Variants in TET3 observed in about 807,000 individuals in gnomAD.
The protein encoded by TET3 is methylcytosine dioxygenase TET3.
A neutral mutation model predicts 141.4 loss-of-function variants in TET3; 19 were observed. The observed-to-expected ratio is 0.13, with a 90% confidence interval of 0.09 to 0.20. TET3 has a LOEUF of 0.20. Ranked by LOEUF, TET3 falls within the 10% of genes least tolerant of loss-of-function variation. The pLI, the probability that TET3 is intolerant of heterozygous loss-of-function variation, is 1.00. For missense variants in TET3, 1,874 were observed against 2,356.9 expected, an observed-to-expected ratio of 0.80 and a Z score of 4.24; for synonymous variants, 1,043 against 980.9, an observed-to-expected ratio of 1.06 and a Z score of -1.18.
intron 4 of TET3, among the ~76,000 whole-genome samples, chr2:74,064,798 TTTA>T: frequency 6.6e-6 from 1 of 152,202 alleles, no homozygotes; most frequent in South Asian, 2.1e-4. Flanking sequence ...ATTGAAAAAA[TTTA>T]TTAATAAATG....
chr2:74,069,224 T>TC (rs957614612), intron 4 of TET3, among the ~76,000 whole-genome samples: 6 of 151,662 alleles, frequency 4.0e-5, no homozygotes, highest in Non-Finnish European at 5.9e-5. Flanking sequence ...CAAACTTTTT[T>TC]CCCGCAGTTG....
At chr2:74,091,398 G>A (rs1486898154) in intron 8 of TET3, among the ~76,000 whole-genome samples, 1 of 152,178 alleles carries the variant, frequency 6.6e-6, no homozygotes, top group Non-Finnish European at 1.5e-5. Flanking sequence ...ATGATTTCAC[G>A]ACCCCTCCAT....
the TET3 span, chr2:74,122,970 AG>A: frequency 3.9e-5 from 6 of 152,086 alleles, no homozygotes; most frequent in African/African-American, 1.4e-4. Context: ...CTGAGATTAC[AG>A]GCATGAGAAA....
chr2:74,023,294 C>T (rs1289880626), intron 3 of TET3, among the ~76,000 whole-genome samples: 1 of 152,156 alleles, frequency 6.6e-6, no homozygotes, highest in Non-Finnish European at 1.5e-5. Flanking sequence ...GGCTGGAGTG[C>T]AGCGGTGCTG....
Position 74,101,324 on chromosome 2 carries a change from G to A in TET3, c.4536G>A (p.Pro1512=), listed in dbSNP as rs779623705. Residue 1512 remains proline (P), a synonymous_variant, in exon 12 of 12, where the codon CCG becomes CCA. Transcript: ENST00000409262. The surrounding 1 kb of genome is among the most constrained non-coding windows in gnomAD (Gnocchi z 8.5). ...SHSGGRLRGK[P]WSPCKFGNST... ...CTGGAGGACGGCTGCGAGGCAAACC[G>A]TGGAGCCCCTGCAAGTTTGGGAACA... The A allele has an allele frequency of 1.1e-5, 17 of 1,613,554 alleles. No homozygotes were observed. The highest frequency in any genetic ancestry group is 1.6e-4 in the Middle Eastern group (1 of 6,082).
chr2:74,065,992 C>G (rs1453068576), intron 4 of TET3, among the ~76,000 whole-genome samples: 2 of 152,134 alleles, frequency 1.3e-5, no homozygotes, highest in Admixed American at 6.6e-5. Context: ...CTCCTGACCT[C>G]GTGATCCGCC....
intron 4 of TET3, among the ~76,000 whole-genome samples, chr2:74,061,600 C>G (rs1285110989): frequency 6.9e-6 from 1 of 143,916 alleles, no homozygotes; most frequent in African/African-American, 2.6e-5. Context: ...GGGGGCTGAC[C>G]CCCCCCACCT....
chr2:74,032,900 G>T (rs1351051915), intron 3 of TET3, among the ~76,000 whole-genome samples: 2 of 152,166 alleles, frequency 1.3e-5, no homozygotes, highest in Non-Finnish European at 2.9e-5. Flanking sequence ...TAGTTACATA[G>T]AACTTTTAAT....
chr2:74,115,735 C>T, the TET3 span, among the ~76,000 whole-genome samples: 1 of 151,894 alleles, frequency 6.6e-6, no homozygotes, highest in Non-Finnish European at 1.5e-5. Flanking sequence ...GCAAATGAGC[C>T]AGGTGCAGTG....
In TET3 at chr2:74,082,763, C is replaced by G. The variant is rs944790305; in HGVS notation, c.2679+2172C>G. 2.0e-5 allele frequency among the ~76,000 whole-genome samples: 3 copies of G among 152,168 alleles called. No homozygotes were observed. The East Asian group carries it at 5.8e-4, about 29-fold the overall frequency. ...GAGGGCTTGGTTTAAAGAGTTCCAC[C>G]TCCTTTGGAAGTTGAAGAGGAGTTG... is the stretch of plus-strand genomic sequence containing the variant. On this transcript the variant is annotated intron_variant, in intron 6 of 11. Transcript: ENST00000409262.
At chr2:74,098,750 C>T (rs111792314) in intron 10 of TET3, among the ~76,000 whole-genome samples, 25 of 152,212 alleles carry the variant, frequency 1.6e-4, no homozygotes, top group Non-Finnish European at 3.1e-4. Context: ...CATGCCACCA[C>T]GCCAGGCTAA....
chr2:74,021,823 G>A (rs377475829), intron 3 of TET3, among the ~76,000 whole-genome samples: 39 of 152,302 alleles, frequency 2.6e-4, no homozygotes, highest in African/African-American at 8.9e-4. Flanking sequence ...TACTTGATCA[G>A]GACTGAAAAG....
At chr2:74,097,560 G>T (rs1400095530) in intron 10 of TET3, among the ~76,000 whole-genome samples, 2 of 152,162 alleles carry the variant, frequency 1.3e-5, no homozygotes, top group Non-Finnish European at 2.9e-5. Context: ...ATGCTCGGGG[G>T]CTACTCAGGG....
intron 2 of TET3, among the ~76,000 whole-genome samples, chr2:73,988,990 G>GTTTTTTTTT (rs1437398059): frequency 3.8e-5 from 4 of 106,330 alleles, no homozygotes; most frequent in African/African-American, 1.5e-4. Context: ...AAAAAAAAAA[G>GTTTTTTTTT]TTTTTTTTGT....
intron 6 of TET3, among the ~76,000 whole-genome samples, chr2:74,085,709 T>TG (rs1690113763): frequency 6.6e-6 from 1 of 152,240 alleles, no homozygotes. Context: ...CCCGCTCGCC[T>TG]GCTGCTCACC....
chr2:74,101,834 C>T lies in TET3; in HGVS notation c.5046C>T (p.Asn1682=). 6.2e-7 allele frequency: 1 copy of T among 1,613,052 alleles called. No individual in the cohort carries two copies. Among genetic ancestry groups the T allele is most frequent in the Non-Finnish European group, 8.5e-7 (1 of 1,179,808 alleles). ...CCACCACGCCGCTTAAGAAGCCCAA[C>T]CGCTGCCACCCCACCCGCATCTCGC... The part of the protein sequence containing the change: ...LHATTPLKKP[N]RCHPTRISLV... The change falls in exon 12 of 12, where the codon AAC becomes AAT. Residue 1682 remains asparagine, a synonymous_variant. Transcript: ENST00000409262. This position sits in a 1 kb window ranked among gnomAD's most constrained non-coding sequence, Gnocchi z 8.5.
the TET3 span, chr2:74,135,266 C>T: frequency 5.6e-5 from 26 of 466,546 alleles, no homozygotes; most frequent in Non-Finnish European, 8.4e-5. Flanking sequence ...TGAGCAGTTT[C>T]GTGGAGGGGA....
At chr2:74,080,899 G>A (rs909101006) in intron 6 of TET3, among the ~76,000 whole-genome samples, 14 of 152,136 alleles carry the variant, frequency 9.2e-5, no homozygotes, top group Non-Finnish European at 1.9e-4. Context: ...TCCTGTCCCC[G>A]TGGCTCAGGG....
At position 74,046,428 on chromosome 2, in the gene TET3, G is replaced by C; in HGVS notation, c.511G>C (p.Gly171Arg). The C allele has an allele frequency of 6.3e-7, 1 of 1,594,554 alleles. No homozygotes were observed. The highest frequency in any genetic ancestry group is 1.1e-5 in the South Asian group (1 of 87,142). Residue 171 changes from glycine to arginine, a missense_variant, in exon 4 of 12, where the codon GGG becomes CGG. Physicochemically the swap from Gly to Arg is moderately radical, Grantham distance 125 (BLOSUM62 -2). Coordinates refer to ENST00000409262, the MANE Select transcript of TET3 (RefSeq NM_001287491.2). This position sits in a 1 kb window ranked among gnomAD's most constrained non-coding sequence, Gnocchi z 4.3. Reference protein sequence around the residue: ...EPAGPSLLGTGGPWRVDQKPD... With the variant: ...EPAGPSLLGTRGPWRVDQKPD... ...CGCTGGACCCAGTCTGCTGGGGACTGGGGGTCCTTGGCGGGTAGACCAAAA... is the reference window on the plus strand; with the variant it reads ...CGCTGGACCCAGTCTGCTGGGGACTCGGGGTCCTTGGCGGGTAGACCAAAA...
Sources: gnomAD v4.1 joint callset for allele counts (sites outside exome capture counted in the v4.1 genomes callset) on GRCh38, gnomAD v4.1.1 for gene constraint, Gnocchi (gnomAD v3.1) non-coding constraint, MANE v1.5 for transcripts, NCBI Gene and HGNC (gene_info 2026-07-23, HGNC 2026-07-21) for gene names.